Variants in TRPC5 observed in about 807,000 individuals in gnomAD.
The protein encoded by TRPC5 is short transient receptor potential channel 5.
In TRPC5, 9 loss-of-function variants were observed where a neutral mutation model predicts 56.5. The observed-to-expected ratio is 0.16, with a 90% CI of 0.10 to 0.28. TRPC5 has a LOEUF of 0.28. Ranked by LOEUF, TRPC5 falls within the 10% of genes least tolerant of loss-of-function variation. TRPC5 has a pLI of 1.00. For missense variants in TRPC5, 469 were observed against 748.9 expected (o/e 0.63, Z 4.36); for synonymous variants, 282 against 278.5 (o/e 1.01, Z -0.13).
intron 6 of TRPC5, among the ~76,000 whole-genome samples, chrX:111,837,596 A>G (rs747873767): frequency 9.0e-6 from 1 of 111,649 alleles, no homozygotes; most frequent in African/African-American, 3.3e-5. Flanking sequence ...TAGGGCAAAT[A>G]TGTAATCAAT....
chrX:111,804,423 A>G (rs1236669045), intron 7 of TRPC5, among the ~76,000 whole-genome samples: 1 of 111,609 alleles, frequency 9.0e-6, no homozygotes, highest in African/African-American at 3.3e-5. Context: ...ATGGCATTGA[A>G]TCTATAAATT....
rs371701900 is a variant in TRPC5 at position 112,061,858 on chromosome X, T to C, written c.-22+20021A>G. Among the ~76,000 whole-genome samples the C allele has an allele frequency of 1.2e-4, 14 of 112,010 alleles. No homozygotes were observed. In the East Asian group the frequency reaches 3.7e-3, roughly 29 times the overall value. On this transcript the variant is annotated intron_variant, in intron 1 of 10. Coordinates refer to ENST00000262839, the MANE Select transcript of TRPC5 (RefSeq NM_012471.3). ...TCCTTCTTTACACTAATTTTCAATC[T>C]GCAAGGAACCGTAAAGTGAACTTAT... is the stretch of plus-strand genomic sequence containing the variant.
At chrX:111,932,147 G>C (rs762042715) in intron 2 of TRPC5, among the ~76,000 whole-genome samples, 6 of 111,687 alleles carry the variant, frequency 5.4e-5, no homozygotes, top group African/African-American at 1.3e-4. Context: ...GACAGAGACA[G>C]AAGAAGGTAA....
At chrX:111,834,885 C>T in intron 7 of TRPC5, 36 bp downstream of exon 7, 1 of 1,130,623 alleles carries the variant, frequency 8.8e-7, no homozygotes. Context: ...CAACCTGAAA[C>T]CAAAGTAAGC....
chrX:111,892,931 C>A (rs1213242849), intron 3 of TRPC5, among the ~76,000 whole-genome samples: 1 of 111,716 alleles, frequency 9.0e-6, no homozygotes, highest in Non-Finnish European at 1.9e-5. Context: ...TAATTATATA[C>A]CAGACACCAT....
intron 3 of TRPC5, among the ~76,000 whole-genome samples, chrX:111,860,007 T>C (rs1028392612): frequency 2.1e-4 from 24 of 112,865 alleles, no homozygotes; most frequent in Non-Finnish European, 3.8e-4. Flanking sequence ...CTCCTGGGTT[T>C]ACGCCATTCT....
chrX:111,785,777 TCAATAG>T (rs1374704415), intron 7 of TRPC5, among the ~76,000 whole-genome samples: 1 of 111,654 alleles, frequency 9.0e-6, no homozygotes, highest in African/African-American at 3.3e-5. Context: ...TGCACAAGCT[TCAATAG>T]CCAATTTGAT....
chrX:111,773,865 G>A lies in TRPC5; in HGVS notation c.*2448C>T, dbSNP rs184644327. Among the ~76,000 whole-genome samples, 126 of 111,620 alleles carry A rather than the reference G, an allele frequency of 1.1e-3. No individual in the cohort carries two copies. Among genetic ancestry groups the A allele is most frequent in the African/African-American group, 3.8e-3 (118 of 30,742 alleles). On this transcript the variant is annotated 3_prime_UTR_variant, in exon 11 of 11. Coordinates refer to ENST00000262839, the MANE Select transcript of TRPC5 (RefSeq NM_012471.3). ...ACTTGAAATACCTTTTATGATACTTGATCAAGAGAGTAAGGAAGTGAACAA... is the reference window on the plus strand; with the variant it reads ...ACTTGAAATACCTTTTATGATACTTAATCAAGAGAGTAAGGAAGTGAACAA...
chrX:112,032,228 CA>C (rs1228307476), intron 1 of TRPC5, among the ~76,000 whole-genome samples: 2 of 109,109 alleles, frequency 1.8e-5, no homozygotes, highest in East Asian at 2.9e-4. Context: ...TGGCTACTAT[CA>C]AAAAAATCAA....
chrX:112,011,652 G>A (rs1928996303), intron 1 of TRPC5, among the ~76,000 whole-genome samples: 1 of 111,714 alleles, frequency 9.0e-6, no homozygotes, highest in Non-Finnish European at 1.9e-5. Context: ...ATCCATGACT[G>A]AGAAAGAAAA....
chrX:111,845,561 A>C (rs749801872), intron 6 of TRPC5, among the ~76,000 whole-genome samples: 4 of 112,017 alleles, frequency 3.6e-5, no homozygotes, highest in Non-Finnish European at 7.5e-5. Flanking sequence ...GTACACATGA[A>C]AGCATAATTG....
At chrX:112,015,425 C>T (rs1057447334) in intron 1 of TRPC5, among the ~76,000 whole-genome samples, 1 of 110,071 alleles carries the variant, frequency 9.1e-6, no homozygotes, top group African/African-American at 3.3e-5. Context: ...TGCTTTCTTA[C>T]CTAGGCTGGT....
At chrX:112,001,164 C>T (rs1928685344) in intron 1 of TRPC5, among the ~76,000 whole-genome samples, 2 of 111,759 alleles carry the variant, frequency 1.8e-5, no homozygotes, top group Non-Finnish European at 3.8e-5. Flanking sequence ...AGTTTTCACC[C>T]AGGTGGTCCA....
chrX:111,976,938 A>G, intron 1 of TRPC5, among the ~76,000 whole-genome samples: 1 of 111,605 alleles, frequency 9.0e-6, no homozygotes, highest in Non-Finnish European at 1.9e-5. Flanking sequence ...ACTTAACCAA[A>G]GAGTTGTAAG....
chrX:111,856,805 C>A (rs1310386879), intron 3 of TRPC5, among the ~76,000 whole-genome samples: 1 of 92,822 alleles, frequency 1.1e-5, no homozygotes. Flanking sequence ...GGCAGCAGAG[C>A]GAGACTCCAT....
intron 1 of TRPC5, among the ~76,000 whole-genome samples, chrX:112,044,757 T>C (rs147878981): frequency 0.016 from 1,803 of 112,125 alleles, 16 homozygotes; most frequent in Non-Finnish European, 0.027. Context: ...CAGAATGATA[T>C]GAGGCTTTCC....
At chrX:111,916,820 G>T (rs1249060550) in intron 2 of TRPC5, among the ~76,000 whole-genome samples, 2 of 112,748 alleles carry the variant, frequency 1.8e-5, no homozygotes, top group East Asian at 5.6e-4. Flanking sequence ...AAGACAGTGT[G>T]CAGGCCAAGC....
At chrX:111,960,765 G>A (rs1005920693) in intron 1 of TRPC5, among the ~76,000 whole-genome samples, 1 of 110,764 alleles carries the variant, frequency 9.0e-6, no homozygotes, top group Non-Finnish European at 1.9e-5. Context: ...CCTTAAATGG[G>A]ACAAAGGGAC....
At chrX:111,807,991 T>C (rs1342035051) in intron 7 of TRPC5, among the ~76,000 whole-genome samples, 3 of 107,747 alleles carry the variant, frequency 2.8e-5, no homozygotes. Flanking sequence ...TGTGTGTGTG[T>C]GCACGCGCTG....
Sources: allele counts gnomAD v4.1 joint callset (sites outside exome capture counted in the v4.1 genomes callset), GRCh38; gene constraint gnomAD v4.1.1; transcripts MANE v1.5; gene names NCBI Gene and HGNC (gene_info 2026-07-23, HGNC 2026-07-21).